The following LARGE1 variants were observed in gnomAD, a reference collection of about 807,000 sequenced individuals.
LARGE1 encodes xylosyl- and glucuronyltransferase LARGE1.
A neutral mutation model predicts 87.6 loss-of-function variants in LARGE1; 43 were observed. The observed-to-expected ratio is 0.49, with a 90% CI of 0.38 to 0.63. The LOEUF is 0.63. Among genes scored for constraint, LARGE1 ranks in the 30% least tolerant of loss-of-function variants. The pLI is 0.00. For missense variants in LARGE1, 802 were observed against 1,000.2 expected, an observed-to-expected ratio of 0.80 and a Z score of 2.67; for synonymous variants, 434 against 394.6, an observed-to-expected ratio of 1.10 and a Z score of -1.18.
intron 5 of LARGE1, among the ~76,000 whole-genome samples, chr22:33,600,917 T>C (rs1218775482): frequency 6.6e-6 from 1 of 151,992 alleles, no homozygotes; most frequent in Admixed American, 6.6e-5. Flanking sequence ...ATATAAAAAT[T>C]AGCTGGGCCT....
chr22:33,420,329 C>T (rs2066647115), intron 7 of LARGE1, among the ~76,000 whole-genome samples: 1 of 152,006 alleles, frequency 6.6e-6, no homozygotes, highest in Non-Finnish European at 1.5e-5. Flanking sequence ...CCATAGACAG[C>T]AGTGAAATTG....
chr22:33,187,290 T>A (rs572624132), intron 11 of LARGE1, among the ~76,000 whole-genome samples: 2 of 152,324 alleles, frequency 1.3e-5, no homozygotes, highest in South Asian at 4.1e-4. Flanking sequence ...TATATGTACA[T>A]AATGAATACT....
chr22:33,788,492 G>T (rs1221144813), intron 1 of LARGE1, among the ~76,000 whole-genome samples: 1 of 152,196 alleles, frequency 6.6e-6, no homozygotes, highest in Non-Finnish European at 1.5e-5. Flanking sequence ...ACAGGCAGAG[G>T]TTGGAACAGT....
At chr22:33,503,285 C>G (rs1162876298) in intron 6 of LARGE1, among the ~76,000 whole-genome samples, 1 of 136,888 alleles carries the variant, frequency 7.3e-6, no homozygotes, top group Non-Finnish European at 1.5e-5. Flanking sequence ...GAGATGGAGT[C>G]TTGCTCTGTT....
chr22:33,376,457 T>C (rs2064997191), intron 9 of LARGE1, among the ~76,000 whole-genome samples: 1 of 152,232 alleles, frequency 6.6e-6, no homozygotes. Context: ...GCCTGATGTC[T>C]GGGCCACACA....
chr22:33,538,235 C>G (rs1167262750), intron 6 of LARGE1, among the ~76,000 whole-genome samples: 2 of 152,248 alleles, frequency 1.3e-5, no homozygotes, highest in Admixed American at 1.3e-4. Flanking sequence ...GTGGAAGTAA[C>G]TCTCCTTCAA....
intron 10 of LARGE1, among the ~76,000 whole-genome samples, chr22:33,321,572 C>CTTTGGT: frequency 6.6e-6 from 1 of 152,114 alleles, no homozygotes; most frequent in South Asian, 2.1e-4. Context: ...CTTTTTTTTC[C>CTTTGGT]TTTGGTTTTG....
At chr22:33,356,852 C>A (rs1311827173) in intron 9 of LARGE1, among the ~76,000 whole-genome samples, 1 of 152,034 alleles carries the variant, frequency 6.6e-6, no homozygotes, top group Non-Finnish European at 1.5e-5. Context: ...AGGAAGAGTG[C>A]CTTTTTATGT....
At chr22:33,721,756 C>A (rs1158416499) in intron 2 of LARGE1, among the ~76,000 whole-genome samples, 1 of 152,198 alleles carries the variant, frequency 6.6e-6, no homozygotes, top group African/African-American at 2.4e-5. Context: ...GGACAAAGAA[C>A]TTCTCACAGA....
chr22:33,346,343 C>T (rs1939760539), intron 9 of LARGE1, among the ~76,000 whole-genome samples: 1 of 151,408 alleles, frequency 6.6e-6, no homozygotes, highest in African/African-American at 2.4e-5. Flanking sequence ...AATCTTGTCA[C>T]CCAGGCTGGA....
At chr22:33,252,256 C>CG (rs1927044213) in intron 11 of LARGE1, among the ~76,000 whole-genome samples, 1 of 138,712 alleles carries the variant, frequency 7.2e-6, no homozygotes, top group Non-Finnish European at 1.6e-5. Context: ...TTCATTCCCC[C>CG]CCCCCCCGCC....
chr22:33,283,832 G>A (rs1468404628), intron 12 of LARGE1, among the ~76,000 whole-genome samples: 2 of 130,354 alleles, frequency 1.5e-5, no homozygotes, highest in Admixed American at 7.8e-5. Flanking sequence ...GAAAAGAAAG[G>A]AAAGAAAAGA....
chr22:33,665,690 A>C (rs529930914), intron 2 of LARGE1, among the ~76,000 whole-genome samples: 1 of 152,258 alleles, frequency 6.6e-6, no homozygotes, highest in Admixed American at 6.5e-5. Flanking sequence ...CAGGAGATGG[A>C]GACCATCCTG....
rs997328797 is a variant in LARGE1, at chr22:33,170,531, C to T, written c.1731-3699G>A. ...GATTGGATCATTGGAGTGGTTTCCC[C>T]GATGCTGTTCTCGTGACAATGAGGG... On this transcript the variant is annotated intron_variant, in intron 11 of 11. Coordinates refer to the LARGE1 transcript ENST00000608642. Among the ~76,000 whole-genome samples, 30 of 152,044 alleles carry T rather than the reference C, an allele frequency of 2.0e-4. 1 individual carries two copies. Among genetic ancestry groups the T allele is most frequent in the African/African-American group, 5.8e-4 (24 of 41,396 alleles).
At chr22:33,249,114 G>A (rs1010979673) in intron 11 of LARGE1, among the ~76,000 whole-genome samples, 2 of 152,142 alleles carry the variant, frequency 1.3e-5, no homozygotes, top group African/African-American at 2.4e-5. Context: ...AGTGTGTTTA[G>A]TTTTATAAGA....
At chr22:33,804,290 A>G (rs1373801330) in intron 1 of LARGE1, among the ~76,000 whole-genome samples, 9 of 152,200 alleles carry the variant, frequency 5.9e-5, no homozygotes, top group Non-Finnish European at 1.3e-4. Flanking sequence ...TTGAACGCAG[A>G]CTTGATCTCT....
At chr22:33,096,531 GT>G in the LARGE1 span, among the ~76,000 whole-genome samples, 1 of 147,830 alleles carries the variant, frequency 6.8e-6, no homozygotes, top group Non-Finnish European at 1.5e-5. Context: ...CATTTATTTT[GT>G]TCTTTTGTTT....
the LARGE1 span, among the ~76,000 whole-genome samples, chr22:33,067,568 T>A: frequency 6.6e-6 from 1 of 152,180 alleles, no homozygotes; most frequent in African/African-American, 2.4e-5. Context: ...TAGAGATGTA[T>A]GGGCTCAGAG....
chr22:33,400,904 C>T (rs1015701105), intron 7 of LARGE1, among the ~76,000 whole-genome samples: 1 of 152,132 alleles, frequency 6.6e-6, no homozygotes, highest in African/African-American at 2.4e-5. Context: ...TCGTGAGTGC[C>T]CCTTCTGTGC....
Sources: allele counts gnomAD v4.1 joint callset (sites outside exome capture counted in the v4.1 genomes callset), GRCh38; gene constraint gnomAD v4.1.1; transcripts MANE v1.5; gene names NCBI Gene and HGNC (gene_info 2026-07-23, HGNC 2026-07-21).